Variants in MAS1 observed in about 807,000 individuals in gnomAD.
MAS1 encodes MAS1 proto-oncogene, G protein-coupled receptor.
For missense variants in MAS1, 387 were observed against 409.7 expected (o/e 0.94, Z 0.48); for synonymous variants, 163 against 164.2 (o/e 0.99, Z 0.05).
rs1471113382 is a variant in MAS1 at position 159,914,594 on chromosome 6, G to T, written c.*6661G>T. ...GGGGAGGGCTCTCGAGTATACCTAGGCTCGTGGAAAATGCAGCCAGGGATT... is the reference window on the plus strand; with the variant it reads ...GGGGAGGGCTCTCGAGTATACCTAGTCTCGTGGAAAATGCAGCCAGGGATT... On this transcript the variant is annotated 3_prime_UTR_variant, in exon 3 of 3. Transcript: ENST00000674077. 3 of 152,188 alleles carry T rather than the reference G, an allele frequency of 2.0e-5. No homozygotes were observed. The highest frequency in any genetic ancestry group is 3.9e-4 in the East Asian group (2 of 5,192). 9.4% of individuals were successfully genotyped at this position (152,188 alleles called of 1,614,324 possible).
chr6:159,907,433 T>C lies in MAS1; in HGVS notation c.478T>C (p.Ser160Pro). The C allele has an allele frequency of 6.2e-7, 1 of 1,614,088 alleles. No individual in the cohort carries two copies. The highest frequency in any genetic ancestry group is 8.5e-7 in the Non-Finnish European group (1 of 1,180,022). ...GGTCTGTGCCCTTCTGTGGGCTCTT[T>C]CTTGCTTGGTGACCACCATGGAGTA... Reference protein sequence around the residue: ...ALVCALLWALSCLVTTMEYVM... With the variant: ...ALVCALLWALPCLVTTMEYVM... The change falls in exon 3 of 3, where the codon TCT becomes CCT. Residue 160 changes from serine (S) to proline (P), a missense_variant. By Grantham distance (74) the Ser-to-Pro change is moderately conservative. Coordinates refer to ENST00000674077, the MANE Select transcript of MAS1 (RefSeq NM_002377.4).
rs372242691 is a variant in MAS1, at chr6:159,910,102, A to G, written c.*2169A>G. On this transcript the variant is annotated 3_prime_UTR_variant, in exon 3 of 3. Coordinates refer to ENST00000674077, the MANE Select transcript of MAS1 (RefSeq NM_002377.4). The stretch of plus-strand genomic sequence containing the variant: ...ATTTGTATCCTTTAGGCATTCAGAC[A>G]ATTTGCCTAAGTCATTGTAGGTTAC... 25 of 152,364 alleles carry G rather than the reference A, an allele frequency of 1.6e-4. 2 individuals are homozygous for G. The highest frequency in any genetic ancestry group is 6.0e-4 in the African/African-American group (25 of 41,578). The allele number at this position is 152,364 out of a possible 1,614,324, so 9.4% of individuals were successfully genotyped here. A position where few individuals can be genotyped will look rare whatever the true frequency, so the allele number is the denominator to read the frequency against.
Position 159,916,092 on chromosome 6 carries a change from G to A in MAS1, c.*8159G>A, listed in dbSNP as rs1163011614. 6.6e-6 allele frequency: 1 copy of A among 152,250 alleles called. No individual in the cohort carries two copies. The highest frequency in any genetic ancestry group is 1.5e-5 in the Non-Finnish European group (1 of 68,050). The allele number at this position is 152,250 out of a possible 1,614,324, so 9.4% of individuals were successfully genotyped here. The stretch of plus-strand genomic sequence containing the variant: ...GCTTCAGGGCTGACCAATGGCATCT[G>A]CTATCATGGAATTAAAGTAACCTAC... On this transcript the variant is annotated 3_prime_UTR_variant, in exon 3 of 3. Coordinates refer to ENST00000674077, the MANE Select transcript of MAS1 (RefSeq NM_002377.4).
Position 159,907,070 on chromosome 6 carries a change from A to G in MAS1, c.115A>G (p.Ile39Val). 1 of 1,614,180 alleles carries G rather than the reference A, an allele frequency of 6.2e-7. No individual in the cohort carries two copies. The highest frequency in any genetic ancestry group is 8.5e-7 in the Non-Finnish European group (1 of 1,180,006). ...GCAAATCCCCATCGTGCACTGGGTCATTATGAGCATCTCCCCAGTGGGGTT... is the reference window on the plus strand; with the variant it reads ...GCAAATCCCCATCGTGCACTGGGTCGTTATGAGCATCTCCCCAGTGGGGTT... ...HRQIPIVHWVIMSISPVGFVE... is the reference protein window; with the variant it reads ...HRQIPIVHWVVMSISPVGFVE... Residue 39 changes from isoleucine (I) to valine (V), a missense_variant, in exon 3 of 3, where the codon ATT becomes GTT. By Grantham distance (29) the Ile-to-Val change is conservative (BLOSUM62 3). Coordinates refer to ENST00000674077, the MANE Select transcript of MAS1 (RefSeq NM_002377.4).
chr6:159,905,955 T>A (rs1782880745), intron 2 of MAS1, among the ~76,000 whole-genome samples: 1 of 151,976 alleles, frequency 6.6e-6, no homozygotes, highest in South Asian at 2.1e-4. Context: ...GGCAGGAGAA[T>A]CGCTTGAACC....
At chr6:159,895,928 T>C (rs1326503463) in intron 1 of MAS1, among the ~76,000 whole-genome samples, 1 of 152,228 alleles carries the variant, frequency 6.6e-6, no homozygotes, top group Admixed American at 6.5e-5. Flanking sequence ...TGCATCCATA[T>C]GAATTCATTA....
intron 1 of MAS1, 143 bp from the exon 2 acceptor site, chr6:159,899,043 A>T (rs900982291): frequency 6.6e-6 from 1 of 152,176 alleles, no homozygotes; most frequent in Non-Finnish European, 1.5e-5. Flanking sequence ...TTTTCCCTCT[A>T]AAAAGGGGGC....
At chr6:159,892,876 T>C (rs1472771105) in intron 1 of MAS1, among the ~76,000 whole-genome samples, 7 of 152,340 alleles carry the variant, frequency 4.6e-5, no homozygotes, top group African/African-American at 1.4e-4. Flanking sequence ...CTAGCATTTC[T>C]TATACCCCAG....
chr6:159,897,570 AG>A (rs1782768240), intron 1 of MAS1, among the ~76,000 whole-genome samples: 1 of 152,210 alleles, frequency 6.6e-6, no homozygotes, highest in African/African-American at 2.4e-5. Context: ...GTTTTGGGAA[AG>A]GGCTGTTATT....
intron 1 of MAS1, among the ~76,000 whole-genome samples, chr6:159,895,533 A>G (rs1562309093): frequency 6.6e-6 from 1 of 152,266 alleles, no homozygotes; most frequent in African/African-American, 2.4e-5. Context: ...CCATATTTAC[A>G]AATGTTTCTT....
chr6:159,908,438 A>C lies in MAS1; in HGVS notation c.*505A>C, dbSNP rs1369799752. ...TTGTAAAGCACCTGGCACATTGTGG[A>C]TGTTCAACAAATATCAGTCTCTCCT... On this transcript the variant is annotated 3_prime_UTR_variant, in exon 3 of 3. Transcript: ENST00000674077. 2 of 151,858 alleles carry C rather than the reference A, an allele frequency of 1.3e-5. No individual in the cohort carries two copies. Among genetic ancestry groups the C allele is most frequent in the East Asian group, 3.9e-4 (2 of 5,138 alleles). 9.4% of individuals were successfully genotyped at this position (151,858 alleles called of 1,614,324 possible). A position where few individuals can be genotyped will look rare whatever the true frequency, so the allele number is the denominator to read the frequency against.
intron 2 of MAS1, among the ~76,000 whole-genome samples, chr6:159,903,036 C>T (rs1396923248): frequency 6.6e-6 from 1 of 152,014 alleles, no homozygotes; most frequent in African/African-American, 2.4e-5. Context: ...ATACTGATAA[C>T]CCCAAAACTA....
upstream of MAS1, among the ~76,000 whole-genome samples, chr6:159,890,720 A>C (rs220735): frequency 0.39 from 58,859 of 152,070 alleles, 12,173 homozygotes; most frequent in East Asian, 0.8. Flanking sequence ...GGAATTTGAG[A>C]TGGTTCTGTC....
Position 159,907,345 on chromosome 6 carries a change from G to A in MAS1, c.390G>A (p.Arg130=). ...LYLLTAISVE[R]CLSVLYPIWY... ...TGCTGACGGCCATTAGTGTGGAGAG[G>A]TGCCTGTCAGTCCTTTACCCCATCT... Residue 130 remains arginine, a synonymous_variant, in exon 3 of 3, where the codon AGG becomes AGA. Coordinates refer to ENST00000674077, the MANE Select transcript of MAS1 (RefSeq NM_002377.4). The A allele has an allele frequency of 6.2e-7, 1 of 1,614,142 alleles. No individual in the cohort carries two copies. The highest frequency in any genetic ancestry group is 1.7e-5 in the Admixed American group (1 of 60,018).
At chr6:159,890,683 T>C (rs76077281), upstream of MAS1, among the ~76,000 whole-genome samples, 2,541 of 152,278 alleles carry the variant, frequency 0.017, 36 homozygotes, top group Non-Finnish European at 0.027. Context: ...TTGGCAGAGG[T>C]CACATAACTT....
intron 2 of MAS1, among the ~76,000 whole-genome samples, chr6:159,903,741 T>A (rs1782849920): frequency 6.6e-6 from 1 of 152,150 alleles, no homozygotes; most frequent in Non-Finnish European, 1.5e-5. Flanking sequence ...CTGTGACTCC[T>A]CCCAGCTCTA....
At chr6:159,888,978 C>T (rs1181677810), upstream of MAS1, among the ~76,000 whole-genome samples, 4 of 152,220 alleles carry the variant, frequency 2.6e-5, no homozygotes, top group African/African-American at 4.8e-5. Context: ...ACTCCAGCTC[C>T]ATCTGTGATA....
chr6:159,901,230 C>T (rs911917436), intron 2 of MAS1, among the ~76,000 whole-genome samples: 1 of 152,124 alleles, frequency 6.6e-6, no homozygotes, highest in Non-Finnish European at 1.5e-5. Context: ...GCCCTATCAC[C>T]GAATAGAGTC....
Position 159,907,348 on chromosome 6 carries a change from C to G in MAS1, c.393C>G (p.Cys131Trp). The change falls in exon 3 of 3, where the codon TGC becomes TGG. Residue 131 changes from cysteine (C) to tryptophan (W), a missense_variant. Coordinates refer to ENST00000674077, the MANE Select transcript of MAS1 (RefSeq NM_002377.4). ...TGACGGCCATTAGTGTGGAGAGGTG[C>G]CTGTCAGTCCTTTACCCCATCTGGT... ...YLLTAISVERCLSVLYPIWYR... is the reference protein window; with the variant it reads ...YLLTAISVERWLSVLYPIWYR... 3 of 1,614,154 alleles carry G rather than the reference C, an allele frequency of 1.9e-6. No individual in the cohort carries two copies. Among genetic ancestry groups the G allele is most frequent in the Admixed American group, 1.7e-5 (1 of 60,028 alleles).
Sources: allele counts gnomAD v4.1 joint callset (sites outside exome capture counted in the v4.1 genomes callset), GRCh38; gene constraint gnomAD v4.1.1; transcripts MANE v1.5; gene names NCBI Gene and HGNC (gene_info 2026-07-23, HGNC 2026-07-21).